The following GFRA1 variants were observed in gnomAD, a reference collection of about 807,000 sequenced individuals.
GFRA1 encodes the protein GDNF family receptor alpha-1.
Under a neutral mutation model 51.6 loss-of-function variants are expected in GFRA1, and 16 were observed. That is an observed-to-expected ratio of 0.31 (90% CI 0.21 to 0.47). GFRA1 has a LOEUF of 0.47. Among genes scored for constraint, GFRA1 ranks in the 20% least tolerant of loss-of-function variants. The pLI, the probability that GFRA1 is intolerant of heterozygous loss-of-function variation, is 1.00. For synonymous variants in GFRA1, 270 were observed against 241.3 expected (o/e 1.12, Z -1.10); for missense variants, 530 against 594.3 (o/e 0.89, Z 1.13).
intron 4 of GFRA1, among the ~76,000 whole-genome samples, chr10:116,258,733 G>A (rs753262146): frequency 6.6e-6 from 1 of 152,064 alleles, no homozygotes; most frequent in Non-Finnish European, 1.5e-5. Context: ...TTTCTCACTT[G>A]AGCCCCAGTT....
intron 4 of GFRA1, among the ~76,000 whole-genome samples, chr10:116,212,559 C>CACACACA (rs1409156427): frequency 1.2e-4 from 14 of 119,298 alleles, no homozygotes; most frequent in Non-Finnish European, 2.0e-4. Flanking sequence ...CACACACACA[C>CACACACA]ACACACATCT....
chr10:116,243,869 G>T (rs1167691182), intron 4 of GFRA1, among the ~76,000 whole-genome samples: 3 of 152,136 alleles, frequency 2.0e-5, no homozygotes, highest in African/African-American at 7.2e-5. Flanking sequence ...CAGGCTCAGA[G>T]TATCTCTGCT....
At chr10:116,126,335 C>T (rs1957874894) in intron 5 of GFRA1, among the ~76,000 whole-genome samples, 1 of 152,260 alleles carries the variant, frequency 6.6e-6, no homozygotes, top group Admixed American at 6.5e-5. Context: ...GCCCTGTGCA[C>T]TCATACCACC....
intron 9 of GFRA1, among the ~76,000 whole-genome samples, chr10:116,072,235 CTGTT>C (rs1330913357): frequency 1.3e-5 from 2 of 152,102 alleles, no homozygotes; most frequent in Non-Finnish European, 2.9e-5. Flanking sequence ...TATTTGATGA[CTGTT>C]AAGCCTGCAT....
chr10:116,088,794 G>A (rs940546253), intron 9 of GFRA1, among the ~76,000 whole-genome samples: 18 of 151,842 alleles, frequency 1.2e-4, no homozygotes, highest in Admixed American at 3.9e-4. Context: ...GGTGGTGGGC[G>A]CCTGTAGTCC....
In GFRA1 at chr10:116,124,768, G is replaced by A. The variant is rs145033082; in HGVS notation, c.770+453C>T. ...GCATTCAAAGTTCTCCCCAAGGCTG[G>A]ACACTGCTCAGTCCCTCTCACTGGT... is the stretch of plus-strand genomic sequence containing the variant. On this transcript the variant is annotated intron_variant, in intron 6 of 10. Transcript: ENST00000355422. 3.3e-5 allele frequency among the ~76,000 whole-genome samples: 5 copies of A among 152,246 alleles called. No individual in the cohort carries two copies. In the East Asian group the frequency reaches 9.7e-4, roughly 30 times the overall value.
intron 4 of GFRA1, among the ~76,000 whole-genome samples, chr10:116,262,026 C>G (rs962130572): frequency 3.3e-5 from 5 of 152,164 alleles, no homozygotes; most frequent in African/African-American, 1.2e-4. Flanking sequence ...GAATTTGCTA[C>G]TGTGTCCCAG....
intron 5 of GFRA1, among the ~76,000 whole-genome samples, chr10:116,134,269 T>A (rs1004610419): frequency 6.6e-6 from 1 of 152,246 alleles, no homozygotes; most frequent in Non-Finnish European, 1.5e-5. Context: ...GTTTCCTCTT[T>A]TTCTTTCTGA....
In GFRA1 at chr10:116,064,125, T is replaced by C; in HGVS notation, c.*273A>G. ...CATCATCGAAAACACAGCCCCAGTT[T>C]GCTTTACAGCCCAAGTTACAAACTG... On this transcript the variant is annotated 3_prime_UTR_variant, in exon 11 of 11. Transcript: ENST00000355422. 1 of 370,248 alleles carries C rather than the reference T, an allele frequency of 2.7e-6. No individual in the cohort carries two copies. The highest frequency in any genetic ancestry group is 5.0e-6 in the Non-Finnish European group (1 of 199,546). 22.9% of individuals were successfully genotyped at this position (370,248 alleles called of 1,614,324 possible).
intron 3 of GFRA1, 41 bp downstream of exon 3, chr10:116,270,781 G>C (rs373964412): frequency 1.3e-6 from 2 of 1,562,610 alleles, no homozygotes; most frequent in East Asian, 2.3e-5. Flanking sequence ...GCCTGCCTTC[G>C]GGGAGGGACA....
At chr10:116,236,968 A>G (rs1351440065) in intron 4 of GFRA1, among the ~76,000 whole-genome samples, 1 of 152,240 alleles carries the variant, frequency 6.6e-6, no homozygotes, top group Non-Finnish European at 1.5e-5. Flanking sequence ...AAAGTGCATT[A>G]TCTCATTGAA....
chr10:116,100,146 A>T (rs1171841685), intron 6 of GFRA1, among the ~76,000 whole-genome samples: 1 of 152,246 alleles, frequency 6.6e-6, no homozygotes, highest in African/African-American at 2.4e-5. Flanking sequence ...CAGGTAGAGC[A>T]GGGTATTCCA....
intron 4 of GFRA1, among the ~76,000 whole-genome samples, chr10:116,228,601 TC>T (rs759235096): frequency 7.9e-5 from 12 of 152,084 alleles, no homozygotes; most frequent in East Asian, 3.9e-4. Context: ...TGGATAATCT[TC>T]CCCCAGAGAG....
intron 4 of GFRA1, among the ~76,000 whole-genome samples, chr10:116,216,636 G>T (rs111694516): frequency 6.6e-6 from 1 of 152,068 alleles, no homozygotes; most frequent in African/African-American, 2.4e-5. Flanking sequence ...TTCTTTTCTA[G>T]GTTAAATTAT....
chr10:116,184,395 C>T (rs980028418), intron 5 of GFRA1, among the ~76,000 whole-genome samples: 1 of 152,098 alleles, frequency 6.6e-6, no homozygotes. Context: ...GGCCCACATG[C>T]CAGCATCCAT....
At chr10:116,213,719 G>A (rs1965366126) in intron 4 of GFRA1, among the ~76,000 whole-genome samples, 1 of 152,114 alleles carries the variant, frequency 6.6e-6, no homozygotes, top group Non-Finnish European at 1.5e-5. Context: ...CACCTCATAG[G>A]TTAACAGACT....
intron 9 of GFRA1, among the ~76,000 whole-genome samples, chr10:116,083,123 C>G (rs1305455060): frequency 6.6e-6 from 1 of 152,250 alleles, no homozygotes; most frequent in Non-Finnish European, 1.5e-5. Flanking sequence ...TCAGGTCCAA[C>G]TAACTCCAAA....
chr10:116,082,637 T>C (rs772058560), intron 9 of GFRA1, among the ~76,000 whole-genome samples: 4 of 152,074 alleles, frequency 2.6e-5, no homozygotes, highest in Non-Finnish European at 5.9e-5. Context: ...TGTGCCACCA[T>C]GCTGGCTAAT....
chr10:116,088,885 C>T (rs987314594), intron 9 of GFRA1, among the ~76,000 whole-genome samples: 1 of 130,038 alleles, frequency 7.7e-6, no homozygotes, highest in Non-Finnish European at 1.5e-5. Context: ...TGCACCACTG[C>T]ACTCCAGCCT....
Sources: gnomAD v4.1 joint callset for allele counts (sites outside exome capture counted in the v4.1 genomes callset) on GRCh38, gnomAD v4.1.1 for gene constraint, MANE v1.5 for transcripts, NCBI Gene and HGNC (gene_info 2026-07-23, HGNC 2026-07-21) for gene names.